The following ABLIM1 variants were observed in gnomAD, a reference collection of about 807,000 sequenced individuals.
ABLIM1 encodes actin-binding LIM protein 1.
A neutral mutation model predicts 107.0 loss-of-function variants in ABLIM1; 40 were observed. The observed-to-expected ratio is 0.37, with a 90% confidence interval of 0.29 to 0.49. The LOEUF is 0.49. ABLIM1 is among the 20% of genes least tolerant of loss of function. ABLIM1 has a pLI of 0.97. For synonymous variants in ABLIM1, 357 were observed against 357.3 expected, an observed-to-expected ratio of 1.00 and a Z score of 0.01; for missense variants, 857 against 1,008.5, an observed-to-expected ratio of 0.85 and a Z score of 2.04.
chr10:114,486,712 T>G (rs1365509433), intron 8 of ABLIM1, among the ~76,000 whole-genome samples: 1 of 112,492 alleles, frequency 8.9e-6, no homozygotes, highest in Non-Finnish European at 1.9e-5. Flanking sequence ...GAAAAAGTGT[T>G]TTTTTTTCCC....
chr10:114,466,663 A>C (rs2065232294), intron 11 of ABLIM1, among the ~76,000 whole-genome samples: 1 of 152,204 alleles, frequency 6.6e-6, no homozygotes, highest in Admixed American at 6.5e-5. Flanking sequence ...TGGCATTTTA[A>C]ATAAATTCTC....
intron 1 of ABLIM1, among the ~76,000 whole-genome samples, chr10:114,749,447 A>ACGC (rs61170828): frequency 1.0e-5 from 1 of 96,892 alleles, no homozygotes; most frequent in Non-Finnish European, 2.2e-5. Context: ...AACAACACAC[A>ACGC]CACCACACAC....
intron 1 of ABLIM1, among the ~76,000 whole-genome samples, chr10:114,749,642 C>G (rs1306874130): frequency 6.6e-6 from 1 of 152,166 alleles, no homozygotes; most frequent in African/African-American, 2.4e-5. Flanking sequence ...TGTCGTTTCA[C>G]TCAGTAAAAG....
At chr10:114,633,025 G>A (rs748092235) in intron 1 of ABLIM1, among the ~76,000 whole-genome samples, 6 of 152,148 alleles carry the variant, frequency 3.9e-5, no homozygotes, top group Non-Finnish European at 7.3e-5. Context: ...CCCAAATCCA[G>A]CTTACCGGGT....
At chr10:114,465,896 G>T in intron 11 of ABLIM1, 69 bp from the exon 12 acceptor site, 1 of 1,526,796 alleles carries the variant, frequency 6.5e-7, no homozygotes, top group Non-Finnish European at 9.0e-7. Flanking sequence ...CACAAACACT[G>T]CCAAGGAACC....
chr10:114,790,088 G>A, the ABLIM1 span, among the ~76,000 whole-genome samples: 535 of 152,144 alleles, frequency 3.5e-3, 4 homozygotes, highest in Non-Finnish European at 4.2e-3. Context: ...CCACTGGCCC[G>A]GCCTCAAGTT....
At chr10:114,718,012 AAG>A in intron 1 of ABLIM1, among the ~76,000 whole-genome samples, 1 of 137,896 alleles carries the variant, frequency 7.3e-6, no homozygotes, top group Non-Finnish European at 1.6e-5. Flanking sequence ...GGAAGGAAGG[AAG>A]GAAGGAAGGA....
At chr10:114,798,078 T>G in the ABLIM1 span, among the ~76,000 whole-genome samples, 2 of 152,344 alleles carry the variant, frequency 1.3e-5, no homozygotes, top group Admixed American at 1.3e-4. Context: ...TATGTTTTTA[T>G]CCAACGAAGT....
chr10:114,524,570 T>C (rs1282598257), intron 6 of ABLIM1, among the ~76,000 whole-genome samples: 2 of 151,934 alleles, frequency 1.3e-5, no homozygotes, highest in Non-Finnish European at 2.9e-5. Context: ...AAACCCACAT[T>C]ACAAACAAAC....
chr10:114,505,003 AC>A (rs113573783), intron 6 of ABLIM1, among the ~76,000 whole-genome samples: 17,060 of 152,138 alleles, frequency 0.11, 1,023 homozygotes, highest in African/African-American at 0.17. Flanking sequence ...TTCTTTCCAA[AC>A]ACTTACCTAG....
intron 6 of ABLIM1, among the ~76,000 whole-genome samples, chr10:114,512,907 G>GAGA (rs1565726406): frequency 1.2e-4 from 16 of 134,556 alleles, no homozygotes; most frequent in Non-Finnish European, 6.4e-5. Flanking sequence ...AAGGAAGGAA[G>GAGA]GAAAGAAAGA....
At chr10:114,442,107 T>G (rs2060284522) in intron 17 of ABLIM1, among the ~76,000 whole-genome samples, 2 of 152,168 alleles carry the variant, frequency 1.3e-5, no homozygotes, top group Non-Finnish European at 2.9e-5. Context: ...AATAACACTA[T>G]GATTATTAGT....
intron 12 of ABLIM1, chr10:114,462,972 C>T (rs943338658): frequency 1.3e-4 from 167 of 1,291,838 alleles, no homozygotes; most frequent in Non-Finnish European, 1.6e-4. Context: ...GGAGATACAC[C>T]TTATTAGCCT....
Position 114,658,027 on chromosome 10 carries a change from A to G in ABLIM1, c.174T>C (p.Thr58=). ...CCTTGGGACAGAGATACAGCAAATG[A>G]GTGATAGTGGCACGCCTATGAGCGG... is the stretch of plus-strand genomic sequence containing the variant. The part of the protein sequence containing the change: ...SFTAHRRATI[T]HLLYLCPKDY... Residue 58 remains threonine (T), a synonymous_variant, in exon 1 of 23, where the codon ACT becomes ACC. Transcript: ENST00000533213. 1 of 1,614,170 alleles carries G rather than the reference A, an allele frequency of 6.2e-7. No individual in the cohort carries two copies. Among genetic ancestry groups the G allele is most frequent in the Non-Finnish European group, 8.5e-7 (1 of 1,180,016 alleles).
intron 1 of ABLIM1, among the ~76,000 whole-genome samples, chr10:114,673,719 T>G (rs1216223595): frequency 6.6e-6 from 1 of 152,276 alleles, no homozygotes; most frequent in East Asian, 1.9e-4. Flanking sequence ...ATTATGCAGT[T>G]GTCTGACTTC....
intron 1 of ABLIM1, among the ~76,000 whole-genome samples, chr10:114,615,768 C>T (rs1220054588): frequency 2.0e-5 from 3 of 151,752 alleles, no homozygotes; most frequent in African/African-American, 4.8e-5. Context: ...GTCAATACCA[C>T]TCAACCGATG....
chr10:114,492,166 C>T (rs571096428), intron 6 of ABLIM1, among the ~76,000 whole-genome samples: 1 of 152,124 alleles, frequency 6.6e-6, no homozygotes, highest in African/African-American at 2.4e-5. Context: ...GCCACTAACA[C>T]ACCATATGCC....
rs190238012 is a variant in ABLIM1 at position 114,558,214 on chromosome 10, C to T, written c.674-10438G>A. ...TTAGCTAGTACTGAGTGTTCCCCCG[C>T]CCCCCCATATCCACGACCAGGATGT... On this transcript the variant is annotated intron_variant, in intron 4 of 22. Transcript: ENST00000533213. 2.5e-3 allele frequency among the ~76,000 whole-genome samples: 375 copies of T among 152,064 alleles called. 2 individuals are homozygous for T. The highest frequency in any genetic ancestry group is 8.6e-3 in the African/African-American group (358 of 41,504).
intron 6 of ABLIM1, among the ~76,000 whole-genome samples, chr10:114,517,165 G>T (rs2062976292): frequency 6.6e-6 from 1 of 152,192 alleles, no homozygotes. Flanking sequence ...GTCCCCCAAA[G>T]ATATGTCCAA....
Sources: gnomAD v4.1 joint callset for allele counts (sites outside exome capture counted in the v4.1 genomes callset) on GRCh38, gnomAD v4.1.1 for gene constraint, MANE v1.5 for transcripts, NCBI Gene and HGNC (gene_info 2026-07-23, HGNC 2026-07-21) for gene names.